OLFM2: variants seen among roughly 807,000 people sequenced by gnomAD.
The protein encoded by OLFM2 is olfactomedin 2.
OLFM2 carries 20 observed loss-of-function variants against 43.9 expected under a neutral mutation model. That is an observed-to-expected ratio of 0.46 (90% CI 0.32 to 0.66). OLFM2 has a LOEUF of 0.66. OLFM2 is among the 30% of genes least tolerant of loss of function. OLFM2 has a pLI of 0.04. For synonymous variants in OLFM2, 268 were observed against 278.6 expected, an observed-to-expected ratio of 0.96 and a Z score of 0.38; for missense variants, 416 against 643.6, an observed-to-expected ratio of 0.65 and a Z score of 3.83.
intron 1 of OLFM2, among the ~76,000 whole-genome samples, chr19:9,870,670 CTTCTTA>C (rs973294270): frequency 1.3e-5 from 2 of 152,112 alleles, no homozygotes; most frequent in African/African-American, 4.8e-5. Flanking sequence ...GCACTCTCCC[CTTCTTA>C]GGGCCAGGCT....
intron 1 of OLFM2, among the ~76,000 whole-genome samples, chr19:9,929,591 G>A (rs866658842): frequency 1.0e-4 from 13 of 130,050 alleles, no homozygotes; most frequent in Non-Finnish European, 1.4e-4. Flanking sequence ...GTGAGACCCC[G>A]TCTCAAAATA....
intron 2 of OLFM2, among the ~76,000 whole-genome samples, chr19:9,860,151 G>GAA (rs60888104): frequency 0.023 from 3,149 of 137,490 alleles, 49 homozygotes; most frequent in Middle Eastern, 0.056. Context: ...GTCTCAAGGA[G>GAA]AAAAAAAAAA....
At chr19:9,858,443 A>G (rs956440550) in intron 2 of OLFM2, among the ~76,000 whole-genome samples, 1 of 151,016 alleles carries the variant, frequency 6.6e-6, no homozygotes, top group African/African-American at 2.4e-5. Flanking sequence ...CCGCTCACTC[A>G]CTCTCCTCTT....
At chr19:9,927,067 A>T (rs2086457989) in intron 1 of OLFM2, among the ~76,000 whole-genome samples, 1 of 152,136 alleles carries the variant, frequency 6.6e-6, no homozygotes, top group Non-Finnish European at 1.5e-5. Flanking sequence ...GCAGATCACG[A>T]GGTCAGGAGT....
chr19:9,930,703 A>T (rs1359872157), intron 1 of OLFM2, among the ~76,000 whole-genome samples: 1 of 151,118 alleles, frequency 6.6e-6, no homozygotes, highest in Non-Finnish European at 1.5e-5. Context: ...AAAAAAAAAA[A>T]TTTAGCCGGC....
At chr19:9,912,637 T>C (rs2046836567) in intron 1 of OLFM2, among the ~76,000 whole-genome samples, 1 of 150,734 alleles carries the variant, frequency 6.6e-6, no homozygotes, top group Non-Finnish European at 1.5e-5. Context: ...CCCCACTGAG[T>C]TCTCTCCTTC....
In OLFM2 at chr19:9,857,262, C is replaced by G; in HGVS notation, c.580+1G>C. ...GGTCAGGGTCAAGGGCCAAGGCATA[C>G]CCAGCTTCTGGGCGCAGGCGTGGAG... is the stretch of plus-strand genomic sequence containing the variant. On this transcript the variant is annotated splice_donor_variant, in intron 4 of 5. Coordinates refer to ENST00000264833, the MANE Select transcript of OLFM2 (RefSeq NM_058164.4). LOFTEE classifies it high-confidence loss of function. This position sits in a 1 kb window ranked among gnomAD's most constrained non-coding sequence, Gnocchi z 5.7. 1 of 1,613,606 alleles carries G rather than the reference C, an allele frequency of 6.2e-7. No individual in the cohort carries two copies. The highest frequency in any genetic ancestry group is 2.2e-5 in the East Asian group (1 of 44,880).
chr19:9,898,244 G>A (rs62104298), intron 1 of OLFM2, among the ~76,000 whole-genome samples: 96,532 of 149,712 alleles, frequency 0.64, 33,202 homozygotes, highest in Admixed American at 0.77. Flanking sequence ...TTTTTGTGCT[G>A]GGAGTGTTGG....
chr19:9,897,591 G>A (rs1053311259), intron 1 of OLFM2, among the ~76,000 whole-genome samples: 5 of 152,192 alleles, frequency 3.3e-5, no homozygotes, highest in Admixed American at 6.6e-5. Context: ...TAGTCTGAGT[G>A]ACTTGGCCTG....
At chr19:9,883,707 C>T (rs2046560721) in intron 1 of OLFM2, among the ~76,000 whole-genome samples, 1 of 152,138 alleles carries the variant, frequency 6.6e-6, no homozygotes. Flanking sequence ...CACCTCTAGC[C>T]ATGGCATGCA....
intron 1 of OLFM2, among the ~76,000 whole-genome samples, chr19:9,867,337 C>A (rs185084740): frequency 6.6e-6 from 1 of 152,164 alleles, no homozygotes; most frequent in Non-Finnish European, 1.5e-5. Context: ...TGCCATTGCA[C>A]TCCAGCCTGG....
In OLFM2 at chr19:9,936,440, G is replaced by A. The variant is rs916738000; in HGVS notation, c.-74C>T. ...CTCGGCGCGGGGACCGCCACCAGGC[G>A]CGACCCCGCCCGCCCGGCCGGGGCG... On this transcript the variant is annotated 5_prime_UTR_variant, in exon 1 of 6. Coordinates refer to ENST00000264833, the MANE Select transcript of OLFM2 (RefSeq NM_058164.4). The A allele has an allele frequency of 1.0e-5, 11 of 1,063,608 alleles. No homozygotes were observed. The African/African-American group carries it at 1.4e-4, about 13-fold the overall frequency. The allele number at this position is 1,063,608 out of a possible 1,614,324, so 65.9% of individuals were successfully genotyped here.
At chr19:9,897,963 C>T (rs932061479) in intron 1 of OLFM2, among the ~76,000 whole-genome samples, 5 of 151,886 alleles carry the variant, frequency 3.3e-5, no homozygotes, top group Admixed American at 1.3e-4. Context: ...AGCACAGTGG[C>T]GTGATCATAG....
intron 1 of OLFM2, among the ~76,000 whole-genome samples, chr19:9,872,720 A>T (rs781510232): frequency 1.3e-5 from 2 of 151,012 alleles, no homozygotes; most frequent in Non-Finnish European, 2.9e-5. Flanking sequence ...CCATCTATCC[A>T]TTCATTCATA....
At chr19:9,867,579 G>A (rs2046412340) in intron 1 of OLFM2, among the ~76,000 whole-genome samples, 1 of 152,054 alleles carries the variant, frequency 6.6e-6, no homozygotes, top group Non-Finnish European at 1.5e-5. Context: ...AGGCACCTTG[G>A]GGCTTACATA....
intron 2 of OLFM2, chr19:9,858,191 T>G: frequency 2.5e-6 from 1 of 403,218 alleles, no homozygotes. Flanking sequence ...TTAGATCACC[T>G]TCCTCCTCCA....
chr19:9,864,195 G>A (rs767328056), intron 1 of OLFM2, among the ~76,000 whole-genome samples: 10 of 152,214 alleles, frequency 6.6e-5, no homozygotes, highest in South Asian at 2.1e-4. Context: ...GAAAGAACTC[G>A]AAGGTGTATG....
intron 1 of OLFM2, among the ~76,000 whole-genome samples, chr19:9,861,020 ACTCAAATCTTCTCCAAGAC>A (rs1476983685): frequency 1.3e-4 from 19 of 151,992 alleles, no homozygotes; most frequent in African/African-American, 4.6e-4. Flanking sequence ...GAATTGGAGG[ACTCAAATCTTCTCCAAGAC>A]CAGAATTCAT....
chr19:9,903,581 C>T lies in OLFM2; in HGVS notation c.63+32723G>A, dbSNP rs113990857. ...CAGCTGCCATCTTAGGTCTCCCCAA[C>T]GAACTCATTAGCATTGCGGTGAAAC... On this transcript the variant is annotated intron_variant, in intron 1 of 5. Transcript: ENST00000264833. Among the ~76,000 whole-genome samples, 430 of 152,284 alleles carry T rather than the reference C, an allele frequency of 2.8e-3. 1 individual carries two copies. Among genetic ancestry groups the T allele is most frequent in the African/African-American group, 9.8e-3 (408 of 41,558 alleles).
Sources: allele counts gnomAD v4.1 joint callset (sites outside exome capture counted in the v4.1 genomes callset), GRCh38; gene constraint gnomAD v4.1.1; non-coding constraint Gnocchi (gnomAD v3.1); transcripts MANE v1.5; gene names NCBI Gene and HGNC (gene_info 2026-07-23, HGNC 2026-07-21).